NRG3: variants seen among roughly 807,000 people sequenced by gnomAD.
The protein encoded by NRG3 is pro-neuregulin-3, membrane-bound isoform.
NRG3 carries 31 observed loss-of-function variants against 66.9 expected under a neutral mutation model. The observed-to-expected ratio is 0.46, with a 90% CI of 0.35 to 0.63. The LOEUF (loss-of-function observed/expected upper bound fraction) is 0.63, where lower values mean the gene tolerates loss of function less well. Ranked by LOEUF, NRG3 falls within the 20% of genes least tolerant of loss-of-function variation. The pLI is 0.00. For synonymous variants in NRG3, 393 were observed against 359.4 expected, an observed-to-expected ratio of 1.09 and a Z score of -1.06; for missense variants, 910 against 878.9, an observed-to-expected ratio of 1.04 and a Z score of -0.45.
intron 1 of NRG3, among the ~76,000 whole-genome samples, chr10:81,888,792 A>C (rs1320576894): frequency 2.0e-5 from 3 of 152,174 alleles, no homozygotes; most frequent in African/African-American, 7.2e-5. Flanking sequence ...AGCCACAGTC[A>C]GAATGGGTTG....
intron 1 of NRG3, among the ~76,000 whole-genome samples, chr10:81,992,777 A>G (rs1259860802): frequency 1.3e-5 from 2 of 152,124 alleles, no homozygotes; most frequent in Non-Finnish European, 2.9e-5. Flanking sequence ...CTGTGATCCA[A>G]TATAGACATT....
At chr10:82,152,947 G>A (rs1393480257) in intron 1 of NRG3, among the ~76,000 whole-genome samples, 5 of 147,046 alleles carry the variant, frequency 3.4e-5, no homozygotes, top group Non-Finnish European at 6.0e-5. Context: ...ATAATTGCAT[G>A]TATTAATGGG....
At chr10:82,414,773 A>G (rs1255038165) in intron 2 of NRG3, among the ~76,000 whole-genome samples, 1 of 152,126 alleles carries the variant, frequency 6.6e-6, no homozygotes, top group Non-Finnish European at 1.5e-5. Flanking sequence ...ATTGATTTTG[A>G]TTTTAAGGAA....
chr10:82,642,895 C>T (rs1210264166), intron 2 of NRG3, among the ~76,000 whole-genome samples: 1 of 151,686 alleles, frequency 6.6e-6, no homozygotes, highest in Non-Finnish European at 1.5e-5. Flanking sequence ...ATTATACATA[C>T]ACATATATAT....
chr10:82,574,130 A>G (rs908575689), intron 2 of NRG3, among the ~76,000 whole-genome samples: 1 of 151,814 alleles, frequency 6.6e-6, no homozygotes, highest in South Asian at 2.1e-4. Context: ...TATGAACTCA[A>G]CCTAAGTGTC....
At chr10:82,700,926 T>G (rs1240867935) in intron 2 of NRG3, among the ~76,000 whole-genome samples, 4 of 152,124 alleles carry the variant, frequency 2.6e-5, no homozygotes, top group Non-Finnish European at 5.9e-5. Flanking sequence ...GTTTTCAAAA[T>G]GGTGAGGTTT....
At chr10:82,127,121 C>T (rs2068497574) in intron 1 of NRG3, among the ~76,000 whole-genome samples, 1 of 152,112 alleles carries the variant, frequency 6.6e-6, no homozygotes, top group South Asian at 2.1e-4. Context: ...GGCCATGCGG[C>T]TTCAGCTCCA....
intron 2 of NRG3, among the ~76,000 whole-genome samples, chr10:82,736,394 A>G (rs1174203803): frequency 6.6e-6 from 1 of 152,218 alleles, no homozygotes; most frequent in Admixed American, 6.5e-5. Flanking sequence ...TGTGATTTTT[A>G]ATGGAAATTT....
At chr10:82,781,586 GC>G in intron 3 of NRG3, among the ~76,000 whole-genome samples, 1 of 151,996 alleles carries the variant, frequency 6.6e-6, no homozygotes, top group East Asian at 1.9e-4. Context: ...TAAAATATTT[GC>G]CACATTTTTC....
chr10:82,148,022 T>G (rs1342892461), intron 1 of NRG3, among the ~76,000 whole-genome samples: 1 of 152,218 alleles, frequency 6.6e-6, no homozygotes. Flanking sequence ...CTGGCAGATA[T>G]TTTTCCAGGG....
At chr10:82,657,373 T>C (rs1018777678) in intron 2 of NRG3, among the ~76,000 whole-genome samples, 6 of 152,164 alleles carry the variant, frequency 3.9e-5, no homozygotes, top group Non-Finnish European at 7.4e-5. Context: ...AGTTGCTGAT[T>C]TTCTTTTTCT....
At chr10:82,458,859 G>T (rs2136686023) in intron 2 of NRG3, among the ~76,000 whole-genome samples, 1 of 152,310 alleles carries the variant, frequency 6.6e-6, no homozygotes, top group Middle Eastern at 3.4e-3. Context: ...CATTCCCCAT[G>T]CCTCAGTGAC....
intron 2 of NRG3, among the ~76,000 whole-genome samples, chr10:82,533,878 C>G (rs1214747768): frequency 6.6e-6 from 1 of 151,996 alleles, no homozygotes. Context: ...AGAACAACAA[C>G]AAAATGTTAG....
At chr10:82,898,809 CCT>C (rs1447392859) in intron 4 of NRG3, among the ~76,000 whole-genome samples, 1 of 144,976 alleles carries the variant, frequency 6.9e-6, no homozygotes, top group Non-Finnish European at 1.5e-5. Flanking sequence ...GCAGCCTCTG[CCT>C]CTCGGGTTCA....
chr10:82,462,422 T>A (rs1220005829), intron 2 of NRG3, among the ~76,000 whole-genome samples: 2 of 151,984 alleles, frequency 1.3e-5, no homozygotes, highest in South Asian at 2.1e-4. Flanking sequence ...ATATTACTCA[T>A]AAGAAATTTA....
At chr10:82,746,948 C>T (rs967302823) in intron 3 of NRG3, among the ~76,000 whole-genome samples, 2 of 152,078 alleles carry the variant, frequency 1.3e-5, no homozygotes, top group South Asian at 2.1e-4. Context: ...CCAGGCATGG[C>T]GGTATGCACC....
At chr10:82,757,341 A>C (rs529374957) in intron 3 of NRG3, among the ~76,000 whole-genome samples, 1 of 152,224 alleles carries the variant, frequency 6.6e-6, no homozygotes, top group Non-Finnish European at 1.5e-5. Context: ...GACAGATTGA[A>C]AATAAATATG....
At chr10:82,060,437 G>T (rs1254664446) in intron 1 of NRG3, among the ~76,000 whole-genome samples, 8 of 152,182 alleles carry the variant, frequency 5.3e-5, no homozygotes, top group African/African-American at 1.4e-4. Context: ...GAACTGCAAT[G>T]ATTTTAAATT....
intron 1 of NRG3, among the ~76,000 whole-genome samples, chr10:82,166,389 T>C (rs2072063632): frequency 6.6e-6 from 1 of 152,176 alleles, no homozygotes; most frequent in Non-Finnish European, 1.5e-5. Context: ...CTGCTTTGTA[T>C]TTTAGTAGCT....
Sources: allele counts gnomAD v4.1 joint callset (sites outside exome capture counted in the v4.1 genomes callset), GRCh38; gene constraint gnomAD v4.1.1; transcripts MANE v1.5; gene names NCBI Gene and HGNC (gene_info 2026-07-23, HGNC 2026-07-21).